NGEF: variants seen among roughly 807,000 people sequenced by gnomAD.
NGEF encodes neuronal guanine nucleotide exchange factor.
A neutral mutation model predicts 80.9 loss-of-function variants in NGEF; 31 were observed. That is an observed-to-expected ratio of 0.38 (90% CI 0.29 to 0.52). The LOEUF (loss-of-function observed/expected upper bound fraction) is 0.52. Among genes scored for constraint, NGEF ranks in the 20% least tolerant of loss-of-function variants. NGEF has a pLI of 0.84. For missense variants in NGEF, 709 were observed against 926.2 expected, an observed-to-expected ratio of 0.77 and a Z score of 3.04; for synonymous variants, 371 against 370.2, an observed-to-expected ratio of 1.00 and a Z score of -0.03.
At chr2:232,949,671 G>A (rs1235218749) in intron 3 of NGEF, among the ~76,000 whole-genome samples, 1 of 149,800 alleles carries the variant, frequency 6.7e-6, no homozygotes, top group East Asian at 2.0e-4. Flanking sequence ...TAGAGATGGG[G>A]TTTCTCCGTG....
chr2:232,954,325 C>T (rs1402045049), intron 3 of NGEF, among the ~76,000 whole-genome samples: 1 of 152,106 alleles, frequency 6.6e-6, no homozygotes. Context: ...GAATAAGATA[C>T]CAGCCCAGCC....
intron 3 of NGEF, among the ~76,000 whole-genome samples, chr2:232,935,383 T>C (rs574867531): frequency 6.6e-6 from 1 of 152,308 alleles, no homozygotes; most frequent in East Asian, 1.9e-4. Context: ...TTTGGGAGGC[T>C]GAGGCAGGCA....
chr2:232,898,124 A>G (rs1352260547), intron 5 of NGEF, among the ~76,000 whole-genome samples: 1 of 152,274 alleles, frequency 6.6e-6, no homozygotes, highest in East Asian at 1.9e-4. Flanking sequence ...TCCTGCTGCT[A>G]AATTTAAGTT....
intron 9 of NGEF, among the ~76,000 whole-genome samples, chr2:232,887,533 AG>A (rs1394073101): frequency 6.6e-6 from 1 of 152,048 alleles, no homozygotes; most frequent in Non-Finnish European, 1.5e-5. Context: ...TTCGGAGCAA[AG>A]GGCTTCATCA....
At chr2:232,969,489 C>CT (rs1313786598) in intron 3 of NGEF, among the ~76,000 whole-genome samples, 46 of 120,484 alleles carry the variant, frequency 3.8e-4, no homozygotes, top group African/African-American at 1.5e-3. Flanking sequence ...TCCTTCCTTC[C>CT]TCCCTCCCTC....
At chr2:232,943,181 G>A (rs1693475066) in intron 3 of NGEF, among the ~76,000 whole-genome samples, 1 of 151,460 alleles carries the variant, frequency 6.6e-6, no homozygotes, top group Non-Finnish European at 1.5e-5. Context: ...TTTTGTGGGG[G>A]TCTCAGAGGA....
intron 5 of NGEF, among the ~76,000 whole-genome samples, chr2:232,900,945 G>C (rs1427516673): frequency 1.3e-5 from 2 of 152,206 alleles, no homozygotes; most frequent in African/African-American, 4.8e-5. Flanking sequence ...GACGTCCGGC[G>C]GCCTCAGATC....
intron 3 of NGEF, among the ~76,000 whole-genome samples, chr2:232,962,148 G>A (rs1036134143): frequency 8.5e-5 from 13 of 152,224 alleles, no homozygotes; most frequent in South Asian, 2.1e-4. Flanking sequence ...TAAGACAAGT[G>A]TGTCTACTCT....
chr2:232,952,970 C>CAAAAAAAAAAA (rs57198276), intron 3 of NGEF, among the ~76,000 whole-genome samples: 2 of 73,068 alleles, frequency 2.7e-5, no homozygotes, highest in Non-Finnish European at 5.3e-5. Flanking sequence ...AGACAGCCCT[C>CAAAAAAAAAAA]AAAAAAAAAA....
chr2:233,005,207 T>C (rs1221820903), intron 1 of NGEF, among the ~76,000 whole-genome samples: 3 of 152,168 alleles, frequency 2.0e-5, no homozygotes, highest in Non-Finnish European at 4.4e-5. Flanking sequence ...AAGTTCCCAG[T>C]CTGAGCAGCT....
At chr2:232,993,021 G>A (rs4036507) in intron 1 of NGEF, among the ~76,000 whole-genome samples, 11 of 118,512 alleles carry the variant, frequency 9.3e-5, no homozygotes, top group Admixed American at 1.8e-4. Flanking sequence ...ACACACACAC[G>A]CACATAAATA....
chr2:232,980,657 C>G (rs1448138062), intron 1 of NGEF, among the ~76,000 whole-genome samples: 1 of 152,114 alleles, frequency 6.6e-6, no homozygotes, highest in East Asian at 1.9e-4. Context: ...TATCACCGTG[C>G]CTGGCTACGT....
At chr2:232,906,245 G>A (rs1443265253) in intron 5 of NGEF, among the ~76,000 whole-genome samples, 1 of 110,412 alleles carries the variant, frequency 9.1e-6, no homozygotes, top group South Asian at 3.0e-4. Flanking sequence ...CGCCCGGCCA[G>A]CCGCCCCATC....
chr2:232,989,319 A>G lies in NGEF; in HGVS notation c.-74-14355T>C, dbSNP rs1029850794. Among the ~76,000 whole-genome samples the G allele has an allele frequency of 2.6e-5, 4 of 152,168 alleles. 1 individual carries two copies. Reference sequence around the variant, plus strand: ...AAAAATTAGCCAGGCATGGTGGTGCACACCTGTAATCCCAGCTACTCAGGA... The same window carrying G: ...AAAAATTAGCCAGGCATGGTGGTGCGCACCTGTAATCCCAGCTACTCAGGA... On this transcript the variant is annotated intron_variant, in intron 1 of 14. Transcript: ENST00000264051.
At chr2:232,928,213 AGGGGCGCGCGCGGCG>A in intron 3 of NGEF, 1 of 552,578 alleles carries the variant, frequency 1.8e-6, no homozygotes, top group Non-Finnish European at 2.2e-6. Flanking sequence ...GGGAGGCGGG[AGGGGCGCGCGCGGCG>A]GGGGCGAGGC....
chr2:232,983,241 C>T (rs73107107), intron 1 of NGEF, among the ~76,000 whole-genome samples: 1 of 150,800 alleles, frequency 6.6e-6, no homozygotes, highest in African/African-American at 2.5e-5. Flanking sequence ...GGAGCAAGGC[C>T]GGGAAGCCTA....
chr2:232,997,252 C>T (rs1304069217), intron 1 of NGEF, among the ~76,000 whole-genome samples: 2 of 152,210 alleles, frequency 1.3e-5, no homozygotes, highest in South Asian at 4.1e-4. Context: ...TTCTCAGATG[C>T]TGCTGCTGGG....
At chr2:232,935,755 C>T (rs1358227374) in intron 3 of NGEF, among the ~76,000 whole-genome samples, 1 of 152,188 alleles carries the variant, frequency 6.6e-6, no homozygotes, top group East Asian at 1.9e-4. Flanking sequence ...TTCAGGGTCA[C>T]ATGGTATGTC....
intron 5 of NGEF, among the ~76,000 whole-genome samples, chr2:232,907,617 T>TC (rs1446003074): frequency 6.6e-6 from 1 of 152,178 alleles, no homozygotes; most frequent in Non-Finnish European, 1.5e-5. Flanking sequence ...GCACATCAGT[T>TC]AGGTCAGCCT....
Sources: allele counts gnomAD v4.1 joint callset (sites outside exome capture counted in the v4.1 genomes callset), GRCh38; gene constraint gnomAD v4.1.1; transcripts MANE v1.5; gene names NCBI Gene and HGNC (gene_info 2026-07-23, HGNC 2026-07-21).